MMP26: variants seen among roughly 807,000 people sequenced by gnomAD.
The protein encoded by MMP26 is matrix metallopeptidase 26.
MMP26 carries 33 observed loss-of-function variants against 31.0 expected under a neutral mutation model. That is an observed-to-expected ratio of 1.06 (90% CI 0.81 to 1.42). The LOEUF (loss-of-function observed/expected upper bound fraction) is 1.42. Among genes scored for constraint, MMP26 ranks in the 40% most tolerant of loss-of-function variants. The pLI is 0.00. For synonymous variants in MMP26, 122 were observed against 114.9 expected (o/e 1.06, Z -0.40); for missense variants, 347 against 316.1 (o/e 1.10, Z -0.74).
intron 2 of MMP26, among the ~76,000 whole-genome samples, chr11:4,811,368 C>G (rs1342825364): frequency 6.6e-6 from 1 of 152,142 alleles, no homozygotes; most frequent in Non-Finnish European, 1.5e-5. Context: ...CCTCCACGCT[C>G]AAGTAGGTCC....
chr11:4,764,690 G>A (rs1272698310), intron 1 of MMP26, among the ~76,000 whole-genome samples: 1 of 152,154 alleles, frequency 6.6e-6, no homozygotes, highest in Non-Finnish European at 1.5e-5. Context: ...CTACTAACAC[G>A]GTGAAACCCC....
chr11:4,902,622 C>A (rs1850820550), intron 2 of MMP26, among the ~76,000 whole-genome samples: 1 of 152,032 alleles, frequency 6.6e-6, no homozygotes, highest in Admixed American at 6.6e-5. Context: ...GTGTCTTTTG[C>A]AAATATTTTC....
At chr11:4,957,694 T>A (rs942076770) in intron 2 of MMP26, among the ~76,000 whole-genome samples, 4 of 152,176 alleles carry the variant, frequency 2.6e-5, no homozygotes, top group Admixed American at 6.5e-5. Flanking sequence ...TTTTTCTTTT[T>A]TTTTTGGAGA....
At chr11:4,934,637 T>G (rs1411999343) in intron 2 of MMP26, among the ~76,000 whole-genome samples, 1 of 144,884 alleles carries the variant, frequency 6.9e-6, no homozygotes, top group African/African-American at 2.6e-5. Flanking sequence ...GTTTTGGACA[T>G]GAAGTCCTTG....
chr11:4,945,996 G>T (rs1042100246), intron 2 of MMP26: 3 of 691,930 alleles, frequency 4.3e-6, no homozygotes, highest in East Asian at 5.4e-5. Context: ...CGTACTTCCT[G>T]TTTATAGTTC....
rs760977924 is a variant in MMP26, at chr11:4,884,671, C to T, written c.-144-103397C>T. Among the ~76,000 whole-genome samples the T allele has an allele frequency of 5.9e-5, 9 of 152,090 alleles. No individual in the cohort carries two copies. The East Asian group carries it at 1.2e-3, about 20-fold the overall frequency. On this transcript the variant is annotated intron_variant, in intron 2 of 7. Coordinates refer to ENST00000380390, the MANE Select transcript of MMP26 (RefSeq NM_021801.5). Reference sequence around the variant, plus strand: ...TCAGATGTCTCTGGCTTTACGATTGCTTCTTTTGAAGACTTTTCTAAAAGT... The same window carrying T: ...TCAGATGTCTCTGGCTTTACGATTGTTTCTTTTGAAGACTTTTCTAAAAGT...
At chr11:4,709,188 T>C (rs1847824675) in intron 1 of MMP26, among the ~76,000 whole-genome samples, 1 of 152,174 alleles carries the variant, frequency 6.6e-6, no homozygotes, top group African/African-American at 2.4e-5. Flanking sequence ...TTTCCTGTTG[T>C]GTTTCTTATG....
chr11:4,721,350 C>T (rs990008905), intron 1 of MMP26, among the ~76,000 whole-genome samples: 1 of 152,182 alleles, frequency 6.6e-6, no homozygotes, highest in Non-Finnish European at 1.5e-5. Flanking sequence ...ATACAATCTT[C>T]TGAAAGCATG....
intron 2 of MMP26, chr11:4,924,154 G>C (rs1851232640): frequency 1.2e-6 from 2 of 1,614,160 alleles, no homozygotes; most frequent in East Asian, 4.5e-5. Flanking sequence ...CCAAGAAATA[G>C]TACATGGGTC....
At chr11:4,981,161 T>A (rs1187159042) in intron 2 of MMP26, among the ~76,000 whole-genome samples, 2 of 152,108 alleles carry the variant, frequency 1.3e-5, no homozygotes, top group Non-Finnish European at 1.5e-5. Context: ...GTTGTTTCTT[T>A]TCTCACATTT....
At position 4,773,591 on chromosome 11, in the gene MMP26, T is replaced by TG. The variant is rs35359895; in HGVS notation, c.-145+6254dup. 9.6e-4 allele frequency among the ~76,000 whole-genome samples: 131 copies of TG among 136,426 alleles called. 1 individual carries two copies. The highest frequency in any genetic ancestry group is 4.0e-3 in the Middle Eastern group (1 of 252). The allele number at this position is 136,426 out of a possible 152,430, so 89.5% of individuals were successfully genotyped here. A position where few individuals can be genotyped will look rare whatever the true frequency, so the allele number is the denominator to read the frequency against. On this transcript the variant is annotated intron_variant, in intron 2 of 7. Coordinates refer to ENST00000380390, the MANE Select transcript of MMP26 (RefSeq NM_021801.5). ...CAGGAATTCAGAGGTGTAGTGTTTG[T>TG]GGGGTTTTTTTTTTTTTTTTTGCTA...
chr11:4,714,002 A>G (rs1482524245), intron 1 of MMP26, among the ~76,000 whole-genome samples: 2 of 152,186 alleles, frequency 1.3e-5, no homozygotes, highest in Non-Finnish European at 2.9e-5. Flanking sequence ...CCAGGAGCTT[A>G]TTAAGAGCTT....
chr11:4,925,585 GA>G (rs2133585586), intron 2 of MMP26, among the ~76,000 whole-genome samples: 2 of 152,218 alleles, frequency 1.3e-5, no homozygotes, highest in Admixed American at 1.3e-4. Context: ...TGGGTATGGA[GA>G]AAGTCCCTAG....
intron 2 of MMP26, among the ~76,000 whole-genome samples, chr11:4,777,759 G>T (rs1418591973): frequency 6.6e-6 from 1 of 152,034 alleles, no homozygotes; most frequent in Non-Finnish European, 1.5e-5. Flanking sequence ...TCCACAGAGT[G>T]TGTATAGTTA....
At chr11:4,754,962 T>C (rs1376451564) in intron 1 of MMP26, among the ~76,000 whole-genome samples, 1 of 151,988 alleles carries the variant, frequency 6.6e-6, no homozygotes, top group Non-Finnish European at 1.5e-5. Context: ...CTTTGATTAA[T>C]AGCTCTATGG....
intron 2 of MMP26, chr11:4,914,940 C>G: frequency 6.2e-7 from 1 of 1,614,048 alleles, no homozygotes; most frequent in Non-Finnish European, 8.5e-7. Context: ...GTGTTAAGGG[C>G]CTTGAATCTC....
chr11:4,897,462 G>C (rs1850725263), intron 2 of MMP26, among the ~76,000 whole-genome samples: 2 of 152,102 alleles, frequency 1.3e-5, no homozygotes, highest in African/African-American at 4.8e-5. Flanking sequence ...ATTGTGACAA[G>C]TGCTATTTTG....
At chr11:4,908,691 G>T (rs1318129253) in intron 2 of MMP26, 2 of 267,732 alleles carry the variant, frequency 7.5e-6, no homozygotes, top group African/African-American at 4.5e-5. Context: ...AGGTAAAATA[G>T]CTATGAAGGA....
intron 1 of MMP26, among the ~76,000 whole-genome samples, chr11:4,759,111 CAA>C (rs989730402): frequency 3.0e-3 from 128 of 43,168 alleles, no homozygotes; most frequent in African/African-American, 8.3e-3. Flanking sequence ...CATTCCATCT[CAA>C]AAAAAAAAAA....
Sources: allele counts gnomAD v4.1 joint callset (sites outside exome capture counted in the v4.1 genomes callset), GRCh38; gene constraint gnomAD v4.1.1; transcripts MANE v1.5; gene names NCBI Gene and HGNC (gene_info 2026-07-23, HGNC 2026-07-21).